The following TMEM247 variants were observed in gnomAD, a reference collection of about 807,000 sequenced individuals.
TMEM247 encodes the protein transmembrane protein ENSP00000343375.
Under a neutral mutation model 20.7 loss-of-function variants are expected in TMEM247, and 23 were observed. The ratio of observed to expected loss-of-function variants is 1.11; its 90% CI spans 0.80 to 1.57. The LOEUF (loss-of-function observed/expected upper bound fraction) is 1.57. Among genes scored for constraint, TMEM247 ranks in the 40% most tolerant of loss-of-function variants. TMEM247 has a pLI of 0.00. For missense variants in TMEM247, 354 were observed against 283.8 expected (o/e 1.25, Z -1.78); for synonymous variants, 106 against 111.9 (o/e 0.95, Z 0.33).
exon 2 of TMEM247, chr2:46,480,528 G>A: frequency 6.4e-7 from 1 of 1,551,764 alleles, no homozygotes. Context: ...TGCTACCAAA[G>A]GCCAGGCTGG....
intron 2 of TMEM247, among the ~76,000 whole-genome samples, chr2:46,483,103 C>T (rs1380769157): frequency 3.3e-5 from 5 of 152,144 alleles, no homozygotes; most frequent in Non-Finnish European, 7.3e-5. Flanking sequence ...ATCTCGGTCC[C>T]TGCCACCTGG....
chr2:46,480,932 T>G (rs528727137), intron 2 of TMEM247, among the ~76,000 whole-genome samples, 168 bp downstream of exon 2: 1 of 152,144 alleles, frequency 6.6e-6, no homozygotes, highest in South Asian at 2.1e-4. Flanking sequence ...TCCAGCCCTC[T>G]CCGCCTTGGC....
Position 46,480,904 on chromosome 2 carries a change from G to A in TMEM247, c.477+140G>A, listed in dbSNP as rs559986848. ...CTGGATCTCGGCTGAAAGGGGCTGA[G>A]CATCCACTCGGGCGGTCTCCAGCCC... On this transcript the variant is annotated intron_variant, in intron 2 of 2. Transcript: ENST00000434431. The A allele has an allele frequency of 7.3e-6, 9 of 1,226,280 alleles. No individual in the cohort carries two copies. In the African/African-American group the frequency reaches 1.2e-4, roughly 17 times the overall value. 76.0% of individuals were successfully genotyped at this position (1,226,280 alleles called of 1,614,324 possible).
At chr2:46,480,281 T>C in intron 1 of TMEM247, 124 bp from the exon 2 acceptor site, 1 of 1,139,702 alleles carries the variant, frequency 8.8e-7, no homozygotes, top group East Asian at 2.6e-5. Context: ...GAATTCAGCC[T>C]AGATCTTTAC....
exon 2 of TMEM247, chr2:46,480,434 C>T: frequency 1.3e-6 from 2 of 1,550,854 alleles, no homozygotes; most frequent in Non-Finnish European, 1.7e-6. Flanking sequence ...CAGACTCCTC[C>T]TATGACTACT....
At chr2:46,483,860 TCA>T (rs1411580504) in intron 2 of TMEM247, among the ~76,000 whole-genome samples, 1 of 152,188 alleles carries the variant, frequency 6.6e-6, no homozygotes, top group African/African-American at 2.4e-5. Context: ...TGAGCATAGC[TCA>T]CCATAACCCC....
At chr2:46,479,633 A>G in exon 1 of TMEM247, 4 of 1,551,664 alleles carry the variant, frequency 2.6e-6, no homozygotes, top group Non-Finnish European at 3.5e-6. Context: ...GTGCGGGAGA[A>G]AGTTGCCCGA....
intron 2 of TMEM247, 75 bp downstream of exon 2, chr2:46,480,839 C>T (rs1686874194): frequency 4.8e-6 from 7 of 1,461,934 alleles, no homozygotes; most frequent in South Asian, 4.2e-5. Flanking sequence ...GAGCAGGCGC[C>T]CACCTTCCCT....
chr2:46,484,417 C>T (rs2103786085), exon 3 of TMEM247: 1 of 1,551,058 alleles, frequency 6.4e-7, no homozygotes, highest in East Asian at 2.4e-5. Flanking sequence ...TTAAAACTTT[C>T]TGGTCATACT....
At chr2:46,482,499 T>G (rs1686908445) in intron 2 of TMEM247, among the ~76,000 whole-genome samples, 1 of 152,256 alleles carries the variant, frequency 6.6e-6, no homozygotes, top group Non-Finnish European at 1.5e-5. Context: ...TCTTTCTCCT[T>G]GCTGGATGAG....
chr2:46,481,631 C>T (rs1335087285), intron 2 of TMEM247, among the ~76,000 whole-genome samples: 1 of 152,230 alleles, frequency 6.6e-6, no homozygotes, highest in African/African-American at 2.4e-5. Context: ...ACGCAAAGCA[C>T]TTTGCAATTA....
intron 2 of TMEM247, among the ~76,000 whole-genome samples, chr2:46,482,511 T>C (rs574908723): frequency 6.6e-6 from 1 of 152,386 alleles, no homozygotes; most frequent in East Asian, 1.9e-4. Flanking sequence ...CTGGATGAGA[T>C]GGAAATCTTT....
At chr2:46,484,344 T>C (rs747363100) in exon 3 of TMEM247, 12 of 1,552,294 alleles carry the variant, frequency 7.7e-6, no homozygotes, top group Non-Finnish European at 1.0e-5. Flanking sequence ...ACCAAGGAGA[T>C]GGTCTTCTTT....
In TMEM247 at chr2:46,479,799, A is replaced by G. The variant is rs1267328826; in HGVS notation, c.117+97A>G. On this transcript the variant is annotated intron_variant, in intron 1 of 2. Transcript: ENST00000434431. ...TGCTTTGAGCTTCCAGACAACTGCC[A>G]AGAACATCAGGTGACATGTACCCCA... 6 of 880,354 alleles carry G rather than the reference A, an allele frequency of 6.8e-6. No homozygotes were observed. In the African/African-American group the frequency reaches 8.4e-5, roughly 12 times the overall value. The allele number at this position is 880,354 out of a possible 1,614,324, so 54.5% of individuals were successfully genotyped here.
exon 3 of TMEM247, chr2:46,484,305 G>T: frequency 6.4e-7 from 1 of 1,552,270 alleles, no homozygotes; most frequent in Non-Finnish European, 8.7e-7. Context: ...TTCCTGTACT[G>T]CTTCATCTTC....
In TMEM247 at chr2:46,479,792, A is replaced by G. The variant is rs1686844119; in HGVS notation, c.117+90A>G. The G allele has an allele frequency of 6.6e-6, 6 of 908,554 alleles. No individual in the cohort carries two copies. The Admixed American group carries it at 1.3e-4, about 20-fold the overall frequency. 56.3% of individuals were successfully genotyped at this position (908,554 alleles called of 1,614,324 possible). A position where few individuals can be genotyped will look rare whatever the true frequency, so the allele number is the denominator to read the frequency against. On this transcript the variant is annotated intron_variant, in intron 1 of 2. Transcript: ENST00000434431. ...GAACACATGCTTTGAGCTTCCAGACAACTGCCAAGAACATCAGGTGACATG... is the reference window on the plus strand; with the variant it reads ...GAACACATGCTTTGAGCTTCCAGACGACTGCCAAGAACATCAGGTGACATG...
chr2:46,480,379 T>C, intron 1 of TMEM247, 26 bp from the exon 2 acceptor site: 3 of 1,512,696 alleles, frequency 2.0e-6, no homozygotes, highest in Non-Finnish European at 2.7e-6. Flanking sequence ...TCAAGGTACC[T>C]CCCCTCCCTG....
intron 2 of TMEM247, among the ~76,000 whole-genome samples, chr2:46,481,151 A>T (rs1686881132): frequency 6.6e-6 from 1 of 152,130 alleles, no homozygotes; most frequent in Non-Finnish European, 1.5e-5. Flanking sequence ...TCCACCGCTC[A>T]CAAGTCCTCT....
At chr2:46,484,316 A>T in exon 3 of TMEM247, 1 of 1,552,278 alleles carries the variant, frequency 6.4e-7, no homozygotes, top group Non-Finnish European at 8.7e-7. Context: ...CTTCATCTTC[A>T]TTCACATCAT....
Sources: allele counts gnomAD v4.1 joint callset (sites outside exome capture counted in the v4.1 genomes callset), GRCh38; gene constraint gnomAD v4.1.1; transcripts MANE v1.5; gene names NCBI Gene and HGNC (gene_info 2026-07-23, HGNC 2026-07-21).